USF3: variants seen among roughly 807,000 people sequenced by gnomAD.
The protein encoded by USF3 is upstream transcription factor family member 3.
In USF3, 29 loss-of-function variants were observed where a neutral mutation model predicts 157.5. The observed-to-expected ratio is 0.18, with a 90% CI of 0.14 to 0.25. The LOEUF is 0.25. Ranked by LOEUF, USF3 falls within the 10% of genes least tolerant of loss-of-function variation. The pLI is 1.00. For synonymous variants in USF3, 893 were observed against 941.4 expected, an observed-to-expected ratio of 0.95 and a Z score of 0.94; for missense variants, 2,381 against 2,667.6, an observed-to-expected ratio of 0.89 and a Z score of 2.37.
Position 113,659,997 on chromosome 3 carries a change from G to A in USF3, c.1685C>T (p.Pro562Leu). ...TTCTGCCCTCATCACTGTTGGGCATGGGGTGGTGCTAGGTGGCTGAAGAAT... is the reference window on the plus strand; with the variant it reads ...TTCTGCCCTCATCACTGTTGGGCATAGGGTGGTGCTAGGTGGCTGAAGAAT... ...VIILQPPSTT[P>L]CPTVMRAEVS... Residue 562 changes from proline to leucine, a missense_variant, in exon 7 of 7, where the codon CCA becomes CTA. Transcript: ENST00000316407. The A allele has an allele frequency of 6.2e-7, 1 of 1,614,164 alleles. No homozygotes were observed. Among genetic ancestry groups the A allele is most frequent in the Non-Finnish European group, 8.5e-7 (1 of 1,180,012 alleles).
intron 2 of USF3, among the ~76,000 whole-genome samples, chr3:113,676,368 G>C (rs962451060): frequency 6.6e-6 from 1 of 152,094 alleles, no homozygotes; most frequent in Non-Finnish European, 1.5e-5. Flanking sequence ...TGCAGGGCTG[G>C]GGAGGCCTCA....
chr3:113,649,511 T>C lies in USF3; in HGVS notation c.*5433A>G. ...GTTTTGCTACTAGGTTTTTTTTTTG[T>C]TTTTTGTTTTTTTTTACAAATCAAC... On this transcript the variant is annotated 3_prime_UTR_variant, in exon 7 of 7. Transcript: ENST00000316407. 3.8e-6 allele frequency: 1 copy of C among 261,712 alleles called. No homozygotes were observed. The highest frequency in any genetic ancestry group is 7.1e-6 in the Non-Finnish European group (1 of 139,904). 16.2% of individuals were successfully genotyped at this position (261,712 alleles called of 1,614,324 possible). A position where few individuals can be genotyped will look rare whatever the true frequency, so the allele number is the denominator to read the frequency against.
chr3:113,670,632 CGGAAGG>C (rs1251334134), intron 4 of USF3, among the ~76,000 whole-genome samples: 5 of 150,976 alleles, frequency 3.3e-5, no homozygotes, highest in African/African-American at 4.9e-5. Context: ...GGAAGGGGAG[CGGAAGG>C]GGAAGGGGAA....
At chr3:113,674,722 C>T (rs2107943391) in intron 3 of USF3, 110 bp downstream of exon 3, 2 of 810,968 alleles carry the variant, frequency 2.5e-6, no homozygotes, top group Non-Finnish European at 4.3e-6. Context: ...GTAATAATTT[C>T]CTCGGTATCT....
chr3:113,673,310 CA>C, intron 4 of USF3, 37 bp downstream of exon 4: 12 of 1,479,208 alleles, frequency 8.1e-6, no homozygotes, highest in Admixed American at 1.8e-5. Flanking sequence ...ATTTTGAATG[CA>C]AAAAATGCTA....
rs776137844 is a variant in USF3 at position 113,659,736 on chromosome 3, G to A, written c.1946C>T (p.Thr649Ile). The part of the protein sequence containing the change: ...RPSSLSASNS[T>I]QTFSVTMSNQ... ...TGACATGGTAACAGAAAAAGTTTGT[G>A]TTGAGTTAGACGCTGATAAAGATGA... The change falls in exon 7 of 7, where the codon ACA becomes ATA. Residue 649 changes from threonine (T) to isoleucine (I), a missense_variant. Physicochemically the swap from Thr to Ile is moderately conservative, Grantham distance 89. This residue lies in a region of USF3 where 1,435 missense variants were observed against 1,550.9 expected (regional missense o/e 0.93). Transcript: ENST00000316407. 33 of 1,614,156 alleles carry A rather than the reference G, an allele frequency of 2.0e-5. No homozygotes were observed. Among genetic ancestry groups the A allele is most frequent in the African/African-American group, 1.3e-5 (1 of 74,946 alleles).
chr3:113,655,846 C>G lies in USF3; in HGVS notation c.5836G>C (p.Val1946Leu). ...GGATGTGGCAACGCTGGCCTTGCAA[C>G]CCCATGCATGTTGGTTGTGACTGGA... ...NPPVTTNMHG[V>L]ARPALPHPSV... Residue 1946 changes from valine (V) to leucine (L), a missense_variant, in exon 7 of 7, where the codon GTT becomes CTT. Val to Leu is a conservative substitution (Grantham distance 32, BLOSUM62 1). This residue lies in a region of USF3 where 770 missense variants were observed against 824.2 expected (regional missense o/e 0.93). Coordinates refer to ENST00000316407, the MANE Select transcript of USF3 (RefSeq NM_001009899.4). 1 of 1,614,158 alleles carries G rather than the reference C, an allele frequency of 6.2e-7. No homozygotes were observed. Among genetic ancestry groups the G allele is most frequent in the Non-Finnish European group, 8.5e-7 (1 of 1,180,024 alleles).
In USF3 at chr3:113,650,112, A is replaced by G. The variant is rs572818382; in HGVS notation, c.*4832T>C. The G allele has an allele frequency of 7.8e-6, 4 of 511,174 alleles. No homozygotes were observed. The highest frequency in any genetic ancestry group is 1.4e-5 in the Non-Finnish European group (4 of 287,592). 31.7% of individuals were successfully genotyped at this position (511,174 alleles called of 1,614,324 possible). On this transcript the variant is annotated 3_prime_UTR_variant, in exon 7 of 7. Transcript: ENST00000316407. Reference sequence around the variant, plus strand: ...AGGCGCACTACCTCCAGGCAAAGGTAGCATTTATATAGACAACAAAATTAC... The same window carrying G: ...AGGCGCACTACCTCCAGGCAAAGGTGGCATTTATATAGACAACAAAATTAC...
chr3:113,650,522 G>C lies in USF3; in HGVS notation c.*4422C>G, dbSNP rs1286401940. Reference sequence around the variant, plus strand: ...ACATGGAGCAGATGGAAGAGCATAAGTGCCTACCTATCAAAGGGAAGATAA... The same window carrying C: ...ACATGGAGCAGATGGAAGAGCATAACTGCCTACCTATCAAAGGGAAGATAA... On this transcript the variant is annotated 3_prime_UTR_variant, in exon 7 of 7. Coordinates refer to ENST00000316407, the MANE Select transcript of USF3 (RefSeq NM_001009899.4). 1 of 152,132 alleles carries C rather than the reference G, an allele frequency of 6.6e-6. No individual in the cohort carries two copies. The highest frequency in any genetic ancestry group is 2.4e-5 in the African/African-American group (1 of 41,410). 9.4% of individuals were successfully genotyped at this position (152,132 alleles called of 1,614,324 possible).
In USF3 at chr3:113,660,878, A is replaced by G; in HGVS notation, c.804T>C (p.His268=). ...AVSIESEPHQ[H]HSLHTCLNDQ... is the part of the protein sequence containing the mutation. ...CATTTAGGCATGTGTGCAAAGAATG[A>G]TGTTGGTGAGGCTCAGATTCAATTG... The change falls in exon 7 of 7, where the codon CAT becomes CAC. Residue 268 remains histidine (H), a synonymous_variant. Transcript: ENST00000316407. 6.2e-6 allele frequency: 10 copies of G among 1,614,172 alleles called. No individual in the cohort carries two copies. Among genetic ancestry groups the G allele is most frequent in the Non-Finnish European group, 8.5e-6 (10 of 1,180,008 alleles).
chr3:113,669,441 C>T (rs1707098205), intron 5 of USF3, among the ~76,000 whole-genome samples: 1 of 151,918 alleles, frequency 6.6e-6, no homozygotes, highest in African/African-American at 2.4e-5. Context: ...TGCTATGTGT[C>T]TTATTAACTT....
At position 113,686,044 on chromosome 3, in the gene USF3, C is replaced by G. The variant is rs184591216; in HGVS notation, c.-134-8647G>C. Among the ~76,000 whole-genome samples, 164 of 152,322 alleles carry G rather than the reference C, an allele frequency of 1.1e-3. 1 individual carries two copies. The South Asian group carries it at 0.012, about 11-fold the overall frequency. On this transcript the variant is annotated intron_variant, in intron 1 of 6. Transcript: ENST00000316407. ...GTGTGCACCCCAAGTCCAGTGGCTC[C>G]AAGCCCAGTGCAGCACTAGGACTTG...
intron 4 of USF3, among the ~76,000 whole-genome samples, chr3:113,671,617 T>C (rs921012764): frequency 2.0e-5 from 3 of 152,204 alleles, no homozygotes; most frequent in African/African-American, 7.2e-5. Context: ...CATTCCTTTT[T>C]AACAAAGGAT....
rs758933021 is a variant in USF3, at chr3:113,656,523, C to T, written c.5159G>A (p.Arg1720His). Residue 1720 changes from arginine (R) to histidine (H), a missense_variant, in exon 7 of 7, where the codon CGT becomes CAT. Physicochemically the swap from Arg to His is conservative, Grantham distance 29 (BLOSUM62 0). Transcript: ENST00000316407. ...ATCTGAGGCCACAGTATGGTCCACACGACCCTGCATATTATGAATAGCCAA... is the reference window on the plus strand; with the variant it reads ...ATCTGAGGCCACAGTATGGTCCACATGACCCTGCATATTATGAATAGCCAA... ...KSLAIHNMQG[R>H]VDHTVASDIR... 5.3e-5 allele frequency: 85 copies of T among 1,614,082 alleles called. 1 individual carries two copies. Among genetic ancestry groups the T allele is most frequent in the South Asian group, 5.2e-4 (47 of 91,084 alleles).
intron 4 of USF3, among the ~76,000 whole-genome samples, chr3:113,672,401 C>T (rs1252996120): frequency 2.0e-5 from 3 of 152,078 alleles, no homozygotes; most frequent in Non-Finnish European, 4.4e-5. Context: ...GCTGGGATTA[C>T]AGGCATGAAC....
At chr3:113,688,687 G>C (rs1172274931) in intron 1 of USF3, among the ~76,000 whole-genome samples, 3 of 152,218 alleles carry the variant, frequency 2.0e-5, no homozygotes, top group African/African-American at 7.2e-5. Flanking sequence ...GACTGAGGTG[G>C]TGTGCAAGAA....
At position 113,655,084 on chromosome 3, in the gene USF3, C is replaced by T; in HGVS notation, c.6598G>A (p.Ala2200Thr). 6.2e-7 allele frequency: 1 copy of T among 1,614,096 alleles called. No homozygotes were observed. The highest frequency in any genetic ancestry group is 8.5e-7 in the Non-Finnish European group (1 of 1,179,962). Residue 2200 changes from alanine (A) to threonine (T), a missense_variant, in exon 7 of 7, where the codon GCG becomes ACG. By Grantham distance (58) the Ala-to-Thr change is moderately conservative. Coordinates refer to ENST00000316407, the MANE Select transcript of USF3 (RefSeq NM_001009899.4). ...GACATTGCTGAGCCATCAGGAAGCG[C>T]TGTGGCTATTTCTGGAAACAAAGAT... ...MTSLFPEIATALPDGSAMSPL... is the reference protein window; with the variant it reads ...MTSLFPEIATTLPDGSAMSPL...
intron 1 of USF3, among the ~76,000 whole-genome samples, chr3:113,689,441 T>C (rs2107963067): frequency 6.6e-6 from 1 of 152,374 alleles, no homozygotes; most frequent in Admixed American, 6.5e-5. Context: ...ACATTTACCG[T>C]AAATCCTATA....
In USF3 at chr3:113,659,668, CAA is replaced by C; in HGVS notation, c.2012_2013del (p.Phe671CysfsTer61). On this transcript the variant is annotated frameshift_variant, in exon 7 of 7. Transcript: ENST00000316407. LOFTEE classifies it high-confidence loss of function. ...PQTISLNGQLFALQPVMSSSG... is the reference protein window; with the variant it reads ...PQTISLNGQLXALQPVMSSSG... ...GATGAAGACATCACAGGCTGCAAAG[CAA>C]AGAGCTGTCCATTTAAAGAAATGGT... is the stretch of plus-strand genomic sequence containing the variant. The C allele has an allele frequency of 6.2e-7, 1 of 1,614,184 alleles. No individual in the cohort carries two copies. Among genetic ancestry groups the C allele is most frequent in the Non-Finnish European group, 8.5e-7 (1 of 1,180,026 alleles).
Sources: gnomAD v4.1 joint callset for allele counts (sites outside exome capture counted in the v4.1 genomes callset) on GRCh38, gnomAD v4.1.1 for gene constraint, gnomAD v4.1.1 regional missense constraint, MANE v1.5 for transcripts, NCBI Gene and HGNC (gene_info 2026-07-23, HGNC 2026-07-21) for gene names.